ARHGAP31: variants seen among roughly 807,000 people sequenced by gnomAD.
The protein encoded by ARHGAP31 is Rho GTPase activating protein 31.
In ARHGAP31, 34 loss-of-function variants were observed where a neutral mutation model predicts 113.9. The ratio of observed to expected loss-of-function variants is 0.30; its 90% CI spans 0.23 to 0.40. The LOEUF is 0.40. Ranked by LOEUF, ARHGAP31 falls within the 10% of genes least tolerant of loss-of-function variation. The pLI is 1.00. For missense variants in ARHGAP31, 1,548 were observed against 1,767.1 expected, an observed-to-expected ratio of 0.88 and a Z score of 2.22; for synonymous variants, 650 against 684.8, an observed-to-expected ratio of 0.95 and a Z score of 0.79.
At chr3:119,347,235 C>T (rs1003618335) in intron 1 of ARHGAP31, among the ~76,000 whole-genome samples, 12 of 152,166 alleles carry the variant, frequency 7.9e-5, no homozygotes, top group Non-Finnish European at 1.5e-5. Context: ...CTGCCTTCTT[C>T]CTGGCACTGC....
intron 1 of ARHGAP31, chr3:119,314,449 T>A (rs1334615206): frequency 6.6e-6 from 1 of 152,406 alleles, no homozygotes; most frequent in East Asian, 1.9e-4. Context: ...ACTCAGGAAC[T>A]GTGTCTTCTG....
At chr3:119,323,304 C>A (rs998549790) in intron 1 of ARHGAP31, among the ~76,000 whole-genome samples, 1 of 152,040 alleles carries the variant, frequency 6.6e-6, no homozygotes, top group Admixed American at 6.5e-5. Flanking sequence ...GGACAGCCGC[C>A]GGCCCTGGGG....
intron 1 of ARHGAP31, chr3:119,322,891 G>T: frequency 6.5e-6 from 1 of 153,680 alleles, no homozygotes; most frequent in Admixed American, 6.5e-5. Flanking sequence ...GGTCCCGGGT[G>T]CCCTCTGCTG....
chr3:119,350,042 A>G (rs906950198), intron 1 of ARHGAP31, among the ~76,000 whole-genome samples: 1 of 152,208 alleles, frequency 6.6e-6, no homozygotes, highest in Non-Finnish European at 1.5e-5. Flanking sequence ...TCTTTTGCTC[A>G]TCTTTATTTT....
chr3:119,377,728 T>C (rs1391829594), intron 3 of ARHGAP31, among the ~76,000 whole-genome samples: 1 of 151,938 alleles, frequency 6.6e-6, no homozygotes, highest in Non-Finnish European at 1.5e-5. Context: ...TTAACTTTCC[T>C]TGTACATTCC....
chr3:119,295,677 G>C (rs1286217227), intron 1 of ARHGAP31, among the ~76,000 whole-genome samples: 3 of 151,304 alleles, frequency 2.0e-5, no homozygotes, highest in Non-Finnish European at 4.4e-5. Flanking sequence ...TTGTAAAAAG[G>C]TCAGAGGGCC....
intron 1 of ARHGAP31, among the ~76,000 whole-genome samples, chr3:119,297,524 G>A (rs927755458): frequency 6.6e-6 from 1 of 152,140 alleles, no homozygotes; most frequent in African/African-American, 2.4e-5. Flanking sequence ...AGGAAAGATA[G>A]GTTCAGGTTT....
chr3:119,294,584 C>G lies in ARHGAP31; in HGVS notation c.-321C>G. On this transcript the variant is annotated 5_prime_UTR_variant, in exon 1 of 12. Transcript: ENST00000264245. ...CTCCCTCTTAAGCTGAGGAGAAACA[C>G]CCGAAGACACCGCAGGAGCCTGTGA... is the stretch of plus-strand genomic sequence containing the variant. 1 of 517,066 alleles carries G rather than the reference C, an allele frequency of 1.9e-6. No individual in the cohort carries two copies. The highest frequency in any genetic ancestry group is 3.3e-5 in the East Asian group (1 of 30,678). 32.0% of individuals were successfully genotyped at this position (517,066 alleles called of 1,614,324 possible). A position where few individuals can be genotyped will look rare whatever the true frequency, so the allele number is the denominator to read the frequency against.
At chr3:119,336,655 ATATAAT>A (rs1249049099) in intron 1 of ARHGAP31, among the ~76,000 whole-genome samples, 3 of 151,846 alleles carry the variant, frequency 2.0e-5, no homozygotes, top group African/African-American at 7.3e-5. Context: ...TTTTATTGAG[ATATAAT>A]TAACATACCA....
At chr3:119,309,951 T>A (rs1256067508) in intron 1 of ARHGAP31, among the ~76,000 whole-genome samples, 5 of 119,864 alleles carry the variant, frequency 4.2e-5, no homozygotes, top group Admixed American at 1.6e-4. Context: ...TATCAACTGT[T>A]TTTTTTTTTT....
intron 1 of ARHGAP31, among the ~76,000 whole-genome samples, chr3:119,327,189 T>G (rs949058717): frequency 1.3e-5 from 2 of 151,816 alleles, no homozygotes; most frequent in Non-Finnish European, 2.9e-5. Context: ...TCATGGTCAC[T>G]TTCTCAGTGG....
At chr3:119,357,449 G>C (rs1230041356) in intron 1 of ARHGAP31, among the ~76,000 whole-genome samples, 1 of 151,560 alleles carries the variant, frequency 6.6e-6, no homozygotes, top group East Asian at 1.9e-4. Context: ...TCAGCAATCG[G>C]TGATGAGACT....
intron 1 of ARHGAP31, 35 bp downstream of exon 1, chr3:119,295,039 CT>C (rs1213953877): frequency 6.3e-7 from 1 of 1,597,654 alleles, no homozygotes. Flanking sequence ...CCGCCCCCAC[CT>C]TCTTTTTGTT....
chr3:119,377,927 C>T (rs1373296603), intron 3 of ARHGAP31, among the ~76,000 whole-genome samples: 1 of 152,064 alleles, frequency 6.6e-6, no homozygotes, highest in East Asian at 1.9e-4. Context: ...CGTTGGGCCA[C>T]CCTGGTGACA....
chr3:119,339,623 A>G (rs1358852280), intron 1 of ARHGAP31, among the ~76,000 whole-genome samples: 2 of 152,172 alleles, frequency 1.3e-5, no homozygotes, highest in African/African-American at 2.4e-5. Flanking sequence ...ACCCCACACA[A>G]GTACAACCAA....
At chr3:119,373,553 A>AC (rs1315738256) in intron 3 of ARHGAP31, among the ~76,000 whole-genome samples, 1 of 148,786 alleles carries the variant, frequency 6.7e-6, no homozygotes, top group Non-Finnish European at 1.5e-5. Flanking sequence ...AGCCTCCCCC[A>AC]CCCGGGTTCA....
At chr3:119,406,501 C>T (rs753694033) in intron 10 of ARHGAP31, among the ~76,000 whole-genome samples, 3 of 152,186 alleles carry the variant, frequency 2.0e-5, no homozygotes, top group Non-Finnish European at 2.9e-5. Context: ...CCAAATGCCC[C>T]GCTTTAGGGG....
chr3:119,380,790 T>A, intron 3 of ARHGAP31, 114 bp from the exon 4 acceptor site: 1 of 853,294 alleles, frequency 1.2e-6, no homozygotes, highest in Non-Finnish European at 2.0e-6. Context: ...GGAAGGATGA[T>A]CTCTAGGCAT....
At chr3:119,411,987 C>T (rs545398714) in intron 11 of ARHGAP31, among the ~76,000 whole-genome samples, 3 of 152,284 alleles carry the variant, frequency 2.0e-5, no homozygotes, top group South Asian at 2.1e-4. Context: ...TGAGAAGGGA[C>T]GAGAGGTCAG....
Sources: gnomAD v4.1 joint callset for allele counts (sites outside exome capture counted in the v4.1 genomes callset) on GRCh38, gnomAD v4.1.1 for gene constraint, MANE v1.5 for transcripts, NCBI Gene and HGNC (gene_info 2026-07-23, HGNC 2026-07-21) for gene names.